NRG1: variants seen among roughly 807,000 people sequenced by gnomAD.
NRG1 encodes the protein pro-neuregulin-1, membrane-bound isoform.
In NRG1, 18 loss-of-function variants were observed where a neutral mutation model predicts 63.8. That is an observed-to-expected ratio of 0.28 (90% CI 0.19 to 0.42). The LOEUF (loss-of-function observed/expected upper bound fraction) is 0.42, where lower values mean the gene tolerates loss of function less well. Among genes scored for constraint, NRG1 ranks in the 10% least tolerant of loss-of-function variants. The pLI is 1.00. For synonymous variants in NRG1, 302 were observed against 301.3 expected (o/e 1.00, Z -0.02); for missense variants, 762 against 814.7 (o/e 0.94, Z 0.79).
At chr8:32,656,532 T>G (rs1441390755) in intron 5 of NRG1, among the ~76,000 whole-genome samples, 1 of 152,200 alleles carries the variant, frequency 6.6e-6, no homozygotes, top group Non-Finnish European at 1.5e-5. Flanking sequence ...CAGACAGATA[T>G]AAGTTTGTAA....
In NRG1 at chr8:32,583,536, CAA is replaced by C. The variant is rs374026221; in HGVS notation, c.101-12289_101-12288del. On this transcript the variant is annotated intron_variant, in intron 1 of 11. Coordinates refer to ENST00000356819, the Ensembl canonical transcript of NRG1. ...TCTTTCTAAGTAAAAACAAACAAAA[CAA>C]AAGATACTTCTAGTAGAGTGCCAGT... Among the ~76,000 whole-genome samples the C allele has an allele frequency of 4.7e-4, 72 of 152,214 alleles. No homozygotes were observed. The East Asian group carries it at 0.012, about 25-fold the overall frequency.
chr8:32,050,442 T>A (rs893694835), intron 1 of NRG1, among the ~76,000 whole-genome samples: 15 of 152,154 alleles, frequency 9.9e-5, no homozygotes, highest in Non-Finnish European at 2.1e-4. Context: ...AACTAGTATT[T>A]TTTTAATCAT....
chr8:32,553,194 C>T (rs2466104), intron 1 of NRG1, among the ~76,000 whole-genome samples: 1 of 151,878 alleles, frequency 6.6e-6, no homozygotes. Flanking sequence ...GATAATAATA[C>T]TATTATTATT....
At chr8:32,093,497 CAGCAGGAATATCCTTG>C (rs1180094869) in intron 1 of NRG1, among the ~76,000 whole-genome samples, 3 of 152,324 alleles carry the variant, frequency 2.0e-5, no homozygotes, top group African/African-American at 7.2e-5. Flanking sequence ...CTTCTCCTGG[CAGCAGGAATATCCTTG>C]TACCAAGCCA....
chr8:32,253,339 A>T (rs1218332500), intron 1 of NRG1, among the ~76,000 whole-genome samples: 1 of 151,164 alleles, frequency 6.6e-6, no homozygotes, highest in Non-Finnish European at 1.5e-5. Context: ...GCCATAAATG[A>T]CTCTTATTAT....
intron 1 of NRG1, among the ~76,000 whole-genome samples, chr8:31,793,113 A>G (rs1220604731): frequency 2.0e-5 from 3 of 152,242 alleles, no homozygotes; most frequent in Non-Finnish European, 4.4e-5. Context: ...AGATTATTCC[A>G]GCTATGTTAT....
exon 1 of NRG1, chr8:31,639,251 C>G (rs905996271): frequency 6.0e-5 from 60 of 1,002,266 alleles, no homozygotes; most frequent in Non-Finnish European, 7.8e-5. Flanking sequence ...CCCCAGTAAG[C>G]CTCCGCAGCC....
At chr8:32,654,288 C>T (rs566533013) in intron 5 of NRG1, among the ~76,000 whole-genome samples, 91 of 152,138 alleles carry the variant, frequency 6.0e-4, no homozygotes, top group Admixed American at 8.5e-4. Flanking sequence ...TATTTAAATA[C>T]TAATTAGTAA....
chr8:32,305,269 T>G (rs576996294), intron 1 of NRG1, among the ~76,000 whole-genome samples: 9 of 152,220 alleles, frequency 5.9e-5, no homozygotes, highest in Non-Finnish European at 1.3e-4. Context: ...TCTACTTATT[T>G]TAATGTTCAG....
intron 1 of NRG1, among the ~76,000 whole-genome samples, chr8:31,842,892 A>G (rs1462058638): frequency 6.6e-6 from 1 of 152,224 alleles, no homozygotes. Context: ...GTGGACCAGC[A>G]GCTGTCTTAA....
intron 1 of NRG1, among the ~76,000 whole-genome samples, chr8:32,519,025 T>C (rs971611952): frequency 1.3e-5 from 2 of 152,206 alleles, no homozygotes; most frequent in Non-Finnish European, 2.9e-5. Flanking sequence ...AATTACGTTG[T>C]TATTATAATA....
At chr8:32,505,863 G>A (rs552881899) in intron 1 of NRG1, among the ~76,000 whole-genome samples, 1 of 152,282 alleles carries the variant, frequency 6.6e-6, no homozygotes, top group South Asian at 2.1e-4. Context: ...ACATAGCCAG[G>A]TGGGAAATTT....
At chr8:32,409,375 A>C (rs927959767) in intron 1 of NRG1, among the ~76,000 whole-genome samples, 1 of 152,220 alleles carries the variant, frequency 6.6e-6, no homozygotes, top group Non-Finnish European at 1.5e-5. Flanking sequence ...CCCAAAAGCA[A>C]GCAAATGCAA....
chr8:32,110,446 T>A (rs539487625), intron 1 of NRG1, among the ~76,000 whole-genome samples: 16 of 152,224 alleles, frequency 1.1e-4, no homozygotes, highest in African/African-American at 3.6e-4. Context: ...AGTGAGTAAT[T>A]GAAATCACCA....
chr8:32,737,750 C>T (rs546254707), intron 6 of NRG1, among the ~76,000 whole-genome samples: 1 of 145,334 alleles, frequency 6.9e-6, no homozygotes, highest in South Asian at 2.2e-4. Context: ...GGTCTCTGCT[C>T]ACTACAACCT....
At chr8:31,982,819 A>C (rs907494483) in intron 1 of NRG1, among the ~76,000 whole-genome samples, 1 of 152,080 alleles carries the variant, frequency 6.6e-6, no homozygotes, top group Non-Finnish European at 1.5e-5. Context: ...TAGTTCCCAG[A>C]GGCTATTGGG....
At chr8:32,170,062 A>G (rs1280857636) in intron 1 of NRG1, among the ~76,000 whole-genome samples, 2 of 152,178 alleles carry the variant, frequency 1.3e-5, no homozygotes, top group South Asian at 2.1e-4. Context: ...GGAATGCCTG[A>G]GGTTACCAGA....
In NRG1 at chr8:32,078,228, C is replaced by T. The variant is rs1156769922; in HGVS notation, c.37+438797C>T. ...CCCAGTGGTAATGAGTGAGTTCTTA[C>T]TCTGTTAGTTCATGCAAGAATTGAT... On this transcript the variant is annotated intron_variant, in intron 1 of 10. Transcript: ENST00000519301. Among the ~76,000 whole-genome samples, 5 of 152,132 alleles carry T rather than the reference C, an allele frequency of 3.3e-5. No individual in the cohort carries two copies. The South Asian group carries it at 6.2e-4, about 19-fold the overall frequency.
chr8:32,715,483 T>G (rs1458766622), intron 5 of NRG1, among the ~76,000 whole-genome samples: 1 of 152,168 alleles, frequency 6.6e-6, no homozygotes, highest in East Asian at 1.9e-4. Flanking sequence ...GGTGACTGAT[T>G]TCTATTCAGA....
Sources: allele counts gnomAD v4.1 joint callset (sites outside exome capture counted in the v4.1 genomes callset), GRCh38; gene constraint gnomAD v4.1.1; transcripts MANE v1.5; gene names NCBI Gene and HGNC (gene_info 2026-07-23, HGNC 2026-07-21).